Variants in DIS3L2 observed in about 807,000 individuals in gnomAD.
The protein encoded by DIS3L2 is DIS3-like exonuclease 2.
In DIS3L2, 34 loss-of-function variants were observed where a neutral mutation model predicts 97.5. That is an observed-to-expected ratio of 0.35 (90% CI 0.27 to 0.46). The LOEUF (loss-of-function observed/expected upper bound fraction) is 0.46, where lower values mean the gene tolerates loss of function less well. DIS3L2 is among the 20% of genes least tolerant of loss of function. The pLI, the probability that DIS3L2 is intolerant of heterozygous loss-of-function variation, is 1.00. For synonymous variants in DIS3L2, 435 were observed against 445.2 expected (o/e 0.98, Z 0.29); for missense variants, 1,038 against 1,146.0 (o/e 0.91, Z 1.36).
At chr2:232,212,206 C>T (rs764119983) in intron 10 of DIS3L2, among the ~76,000 whole-genome samples, 2 of 152,200 alleles carry the variant, frequency 1.3e-5, no homozygotes, top group Non-Finnish European at 1.5e-5. Context: ...CATACCTGCT[C>T]GGCATATAGA....
chr2:232,018,464 A>G (rs1159780560), intron 3 of DIS3L2, among the ~76,000 whole-genome samples: 1 of 152,136 alleles, frequency 6.6e-6, no homozygotes, highest in Non-Finnish European at 1.5e-5. Context: ...TGTAAATAAG[A>G]TTTTCATAGG....
At chr2:231,975,795 A>G (rs1193301839) in intron 1 of DIS3L2, among the ~76,000 whole-genome samples, 1 of 150,660 alleles carries the variant, frequency 6.6e-6, no homozygotes, top group Non-Finnish European at 1.5e-5. Flanking sequence ...GGGAGTGAGG[A>G]GAGGGATGTG....
At chr2:232,186,858 A>G (rs961957804) in intron 9 of DIS3L2, among the ~76,000 whole-genome samples, 1 of 152,238 alleles carries the variant, frequency 6.6e-6, no homozygotes, top group African/African-American at 2.4e-5. Flanking sequence ...AAAACTAGAA[A>G]TCTCTTAGGA....
chr2:232,238,700 C>T (rs1349350851), intron 11 of DIS3L2, 55 bp downstream of exon 11: 1 of 1,466,234 alleles, frequency 6.8e-7, no homozygotes, highest in Non-Finnish European at 9.4e-7. Context: ...GTTTGTTTCC[C>T]TGGAAGAGTG....
chr2:232,203,664 G>C (rs1405310325), intron 9 of DIS3L2, among the ~76,000 whole-genome samples: 1 of 152,190 alleles, frequency 6.6e-6, no homozygotes, highest in African/African-American at 2.4e-5. Flanking sequence ...GCCTGTCACA[G>C]CGATAAGACA....
chr2:232,187,966 G>A (rs1476145826), intron 9 of DIS3L2, among the ~76,000 whole-genome samples: 4 of 152,046 alleles, frequency 2.6e-5, no homozygotes, highest in Non-Finnish European at 5.9e-5. Flanking sequence ...GTGAAACTCC[G>A]TCTCTACCAA....
At chr2:232,074,560 C>T (rs1696127210) in intron 5 of DIS3L2, among the ~76,000 whole-genome samples, 2 of 146,496 alleles carry the variant, frequency 1.4e-5, no homozygotes, top group Non-Finnish European at 1.5e-5. Flanking sequence ...AATATAGCCC[C>T]ATCAAGGAAC....
chr2:232,148,467 C>T (rs1690288278), intron 8 of DIS3L2, among the ~76,000 whole-genome samples: 1 of 152,064 alleles, frequency 6.6e-6, no homozygotes, highest in African/African-American at 2.4e-5. Flanking sequence ...AAATAGATCT[C>T]CAATGAAAGT....
At chr2:232,074,773 G>A (rs993622788) in intron 5 of DIS3L2, among the ~76,000 whole-genome samples, 3 of 151,886 alleles carry the variant, frequency 2.0e-5, no homozygotes, top group African/African-American at 7.3e-5. Flanking sequence ...TGGTAGAGAC[G>A]GAGTTTTGCC....
intron 14 of DIS3L2, among the ~76,000 whole-genome samples, chr2:232,313,169 C>G (rs1009173727): frequency 6.6e-6 from 1 of 152,102 alleles, no homozygotes; most frequent in Non-Finnish European, 1.5e-5. Flanking sequence ...TGTTCCTGAT[C>G]TCAAACAGAA....
intron 1 of DIS3L2, among the ~76,000 whole-genome samples, chr2:231,993,913 T>A (rs988070335): frequency 6.6e-6 from 1 of 152,114 alleles, no homozygotes; most frequent in African/African-American, 2.4e-5. Context: ...TTTTCCTTTG[T>A]GAATCATGCT....
chr2:232,296,167 A>G (rs1340890786), intron 13 of DIS3L2, among the ~76,000 whole-genome samples: 2 of 152,184 alleles, frequency 1.3e-5, no homozygotes, highest in Admixed American at 6.5e-5. Context: ...GTGAGTAGCA[A>G]TAGCATCTGC....
At chr2:232,014,314 T>A (rs191125733) in intron 1 of DIS3L2, among the ~76,000 whole-genome samples, 12 of 152,320 alleles carry the variant, frequency 7.9e-5, no homozygotes, top group Admixed American at 4.6e-4. Flanking sequence ...CATCTGGGGC[T>A]CCCTGCATAG....
chr2:232,026,087 C>T (rs1386249193), intron 4 of DIS3L2, among the ~76,000 whole-genome samples: 1 of 152,140 alleles, frequency 6.6e-6, no homozygotes, highest in Non-Finnish European at 1.5e-5. Context: ...TGCTTCCTCT[C>T]TTCCCTGATA....
intron 6 of DIS3L2, among the ~76,000 whole-genome samples, chr2:232,114,481 G>A (rs769214975): frequency 6.6e-6 from 1 of 152,166 alleles, no homozygotes; most frequent in Non-Finnish European, 1.5e-5. Flanking sequence ...CATGGATTCA[G>A]GTTGTGATTA....
At chr2:232,316,716 A>G (rs1575014376) in intron 14 of DIS3L2, among the ~76,000 whole-genome samples, 1 of 152,256 alleles carries the variant, frequency 6.6e-6, no homozygotes, top group Non-Finnish European at 1.5e-5. Context: ...TTTCAAAGAC[A>G]TAAGATCAAA....
At chr2:232,215,741 C>G (rs902179781) in intron 10 of DIS3L2, among the ~76,000 whole-genome samples, 1 of 152,112 alleles carries the variant, frequency 6.6e-6, no homozygotes, top group African/African-American at 2.4e-5. Flanking sequence ...CTTGTGTCCC[C>G]CTGTGTGCCA....
chr2:232,112,336 A>C (rs1474604917), intron 6 of DIS3L2, among the ~76,000 whole-genome samples: 10 of 152,206 alleles, frequency 6.6e-5, no homozygotes, highest in Non-Finnish European at 1.3e-4. Flanking sequence ...TACAACTTTA[A>C]AAATAGGGGC....
intron 9 of DIS3L2, among the ~76,000 whole-genome samples, chr2:232,183,187 G>T (rs1311580246): frequency 6.6e-6 from 1 of 152,148 alleles, no homozygotes; most frequent in Non-Finnish European, 1.5e-5. Context: ...CTAGTTTCTT[G>T]ATCTTGGACT....
Sources: gnomAD v4.1 joint callset for allele counts (sites outside exome capture counted in the v4.1 genomes callset) on GRCh38, gnomAD v4.1.1 for gene constraint, MANE v1.5 for transcripts, NCBI Gene and HGNC (gene_info 2026-07-23, HGNC 2026-07-21) for gene names.